Variants in MAST2 observed in about 807,000 individuals in gnomAD.
The protein encoded by MAST2 is microtubule-associated serine/threonine-protein kinase 2.
MAST2 carries 70 observed loss-of-function variants against 147.4 expected under a neutral mutation model. The ratio of observed to expected loss-of-function variants is 0.47; its 90% confidence interval spans 0.39 to 0.58. The LOEUF (loss-of-function observed/expected upper bound fraction) is 0.58, where lower values mean the gene tolerates loss of function less well. MAST2 is among the 20% of genes least tolerant of loss of function. The pLI is 0.00. For missense variants in MAST2, 2,080 were observed against 2,302.3 expected (o/e 0.90, Z 1.98); for synonymous variants, 869 against 896.8 (o/e 0.97, Z 0.55).
intron 3 of MAST2, among the ~76,000 whole-genome samples, chr1:45,847,780 C>CAGGCG (rs1645490054): frequency 1.3e-5 from 2 of 152,032 alleles, no homozygotes; most frequent in Non-Finnish European, 2.9e-5. Context: ...TCTCGAACTC[C>CAGGCG]TGGGTTCAAG....
intron 5 of MAST2, among the ~76,000 whole-genome samples, chr1:45,987,494 T>TCTAC (rs1190308795): frequency 1.3e-5 from 2 of 152,140 alleles, no homozygotes; most frequent in Non-Finnish European, 2.9e-5. Flanking sequence ...AAATTCTTTG[T>TCTAC]AGAGATGGGG....
chr1:45,941,483 C>T (rs899907260), intron 4 of MAST2, among the ~76,000 whole-genome samples: 7 of 152,180 alleles, frequency 4.6e-5, no homozygotes, highest in Non-Finnish European at 1.0e-4. Context: ...TGGTCTTGAA[C>T]TTCTGACCTT....
chr1:46,024,016 G>GGC, intron 15 of MAST2, 36 bp downstream of exon 15: 1 of 1,595,112 alleles, frequency 6.3e-7, no homozygotes, highest in Non-Finnish European at 8.6e-7. Context: ...TGGAGGCCAA[G>GGC]GCACAGTCTG....
At position 46,029,841 on chromosome 1, in the gene MAST2, T is replaced by C; in HGVS notation, c.2331T>C (p.Tyr777=). Residue 777 remains tyrosine, a synonymous_variant, in exon 20 of 29, where the codon TAT becomes TAC. Transcript: ENST00000361297. ...CCTCCCTGTCCACAGGCAGTGCCTATGAGGTGAAGCAGCACCCATTCTTTA... is the reference window on the plus strand; with the variant it reads ...CCTCCCTGTCCACAGGCAGTGCCTACGAGGTGAAGCAGCACCCATTCTTTA... ...PLERLGTGSA[Y]EVKQHPFFTG... 11 of 1,614,108 alleles carry C rather than the reference T, an allele frequency of 6.8e-6. No individual in the cohort carries two copies. Among genetic ancestry groups the C allele is most frequent in the East Asian group, 2.2e-5 (1 of 44,886 alleles).
intron 5 of MAST2, among the ~76,000 whole-genome samples, chr1:45,983,436 CT>C (rs915901123): frequency 1.1e-4 from 17 of 151,970 alleles, no homozygotes; most frequent in Admixed American, 7.9e-4. Flanking sequence ...AAGATACCCC[CT>C]AACTCCTTTT....
Position 45,862,689 on chromosome 1 carries a change from C to T in MAST2, c.469-19675C>T, listed in dbSNP as rs565895821. 7.2e-5 allele frequency among the ~76,000 whole-genome samples: 11 copies of T among 152,150 alleles called. No homozygotes were observed. The East Asian group carries it at 1.5e-3, about 21-fold the overall frequency. ...TTTGCCTTGTTGGCCAGGCTGGTCT[C>T]GAACTCCTGACCTCAGATGATCCAC... On this transcript the variant is annotated intron_variant, in intron 3 of 28. Coordinates refer to ENST00000361297, the MANE Select transcript of MAST2 (RefSeq NM_015112.3).
At chr1:45,940,680 C>T (rs945863216) in intron 4 of MAST2, among the ~76,000 whole-genome samples, 2 of 148,798 alleles carry the variant, frequency 1.3e-5, no homozygotes, top group African/African-American at 2.5e-5. Context: ...AGTGCAGTGG[C>T]GCGATCTCGG....
chr1:46,003,692 T>C (rs1220991492), intron 7 of MAST2, among the ~76,000 whole-genome samples: 1 of 152,106 alleles, frequency 6.6e-6, no homozygotes, highest in African/African-American at 2.4e-5. Context: ...GTCCCAAATT[T>C]CTGGGCTCAA....
chr1:45,966,944 A>C (rs1357434828), intron 5 of MAST2, among the ~76,000 whole-genome samples: 1 of 148,294 alleles, frequency 6.7e-6, no homozygotes, highest in Admixed American at 6.9e-5. Context: ...ACAGCTCAAT[A>C]CAGCCTTGAG....
chr1:45,888,294 C>T (rs2148364933), intron 4 of MAST2, among the ~76,000 whole-genome samples: 1 of 152,284 alleles, frequency 6.6e-6, no homozygotes, highest in East Asian at 1.9e-4. Flanking sequence ...TTGCCATGCT[C>T]TTCCTTACAC....
chr1:45,986,426 T>C (rs1247256202), intron 5 of MAST2, among the ~76,000 whole-genome samples: 1 of 152,078 alleles, frequency 6.6e-6, no homozygotes, highest in East Asian at 1.9e-4. Flanking sequence ...TTAGAGAATA[T>C]TCGTTTATGC....
intron 5 of MAST2, among the ~76,000 whole-genome samples, chr1:45,982,173 T>G (rs567810066): frequency 6.6e-6 from 1 of 152,216 alleles, no homozygotes; most frequent in African/African-American, 2.4e-5. Context: ...TTAAGGTAAA[T>G]GTATATTGGA....
At chr1:45,889,865 T>C (rs560662706) in intron 4 of MAST2, among the ~76,000 whole-genome samples, 5 of 152,052 alleles carry the variant, frequency 3.3e-5, no homozygotes, top group African/African-American at 1.2e-4. Context: ...GCAATTCTCC[T>C]GCCTCAGCCT....
At chr1:45,930,391 T>TTTTTGTTTTGTTTTG (rs59192448) in intron 4 of MAST2, among the ~76,000 whole-genome samples, 12,920 of 147,154 alleles carry the variant, frequency 0.088, 662 homozygotes, top group Non-Finnish European at 0.099. Context: ...TTTTTTGTTT[T>TTTTTGTTTTGTTTTG]TTTTGTTTTG....
At chr1:45,933,245 G>A (rs1310650734) in intron 4 of MAST2, among the ~76,000 whole-genome samples, 1 of 113,092 alleles carries the variant, frequency 8.8e-6, no homozygotes, top group Non-Finnish European at 1.9e-5. Flanking sequence ...AAGCGGGGGG[G>A]TTGGGGGGGG....
chr1:45,924,740 G>C (rs1654088002), intron 4 of MAST2, among the ~76,000 whole-genome samples: 2 of 152,288 alleles, frequency 1.3e-5, no homozygotes, highest in South Asian at 4.1e-4. Flanking sequence ...TTTGGAGACA[G>C]GATCTTTAAA....
chr1:45,866,556 T>G (rs1284026390), intron 3 of MAST2, among the ~76,000 whole-genome samples: 1 of 152,192 alleles, frequency 6.6e-6, no homozygotes, highest in Non-Finnish European at 1.5e-5. Flanking sequence ...TGTTTTGTGT[T>G]AAATCATTCA....
rs1195339413 is a variant in MAST2 at position 46,002,847 on chromosome 1, A to G, written c.711A>G (p.Ser237=). The change falls in exon 7 of 29, where the codon TCA becomes TCG. Residue 237 remains serine, a synonymous_variant. Transcript: ENST00000361297. The part of the protein sequence containing the change: ...RRWSLASLPS[S]GYGTNTPSST... ...GGTCTTTGGCCTCTTTGCCCTCTTC[A>G]GGATATGGAACTAACACTCCTAGCT... The G allele has an allele frequency of 6.2e-7, 1 of 1,614,164 alleles. No homozygotes were observed.
intron 5 of MAST2, among the ~76,000 whole-genome samples, chr1:45,982,264 T>C (rs1387220599): frequency 6.6e-6 from 1 of 152,324 alleles, no homozygotes; most frequent in African/African-American, 2.4e-5. Context: ...TCTGTGATCT[T>C]TGGTCCAGAT....
Sources: allele counts gnomAD v4.1 joint callset (sites outside exome capture counted in the v4.1 genomes callset), GRCh38; gene constraint gnomAD v4.1.1; transcripts MANE v1.5; gene names NCBI Gene and HGNC (gene_info 2026-07-23, HGNC 2026-07-21).